Variants in RAB3IP observed in about 807,000 individuals in gnomAD.
RAB3IP encodes the protein rab-3A-interacting protein.
Under a neutral mutation model 59.1 loss-of-function variants are expected in RAB3IP, and 36 were observed. The observed-to-expected ratio is 0.61, with a 90% CI of 0.47 to 0.80. The LOEUF is 0.80. Ranked by LOEUF, RAB3IP falls within the 30% of genes least tolerant of loss-of-function variation. The probability of loss-of-function intolerance (pLI) is 0.00; values close to 1 mark genes in which losing one functional copy is unlikely to be tolerated. For missense variants in RAB3IP, 511 were observed against 536.0 expected (o/e 0.95, Z 0.46); for synonymous variants, 207 against 191.2 (o/e 1.08, Z -0.68).
At chr12:69,781,598 A>G (rs919796542) in intron 3 of RAB3IP, among the ~76,000 whole-genome samples, 1 of 152,220 alleles carries the variant, frequency 6.6e-6, no homozygotes, top group Non-Finnish European at 1.5e-5. Flanking sequence ...TACCTTTTCC[A>G]GATTGTCATA....
intron 1 of RAB3IP, among the ~76,000 whole-genome samples, chr12:69,744,003 A>G (rs933839413): frequency 6.6e-6 from 1 of 152,178 alleles, no homozygotes; most frequent in East Asian, 1.9e-4. Flanking sequence ...AAAAAATTAT[A>G]CTTTTAAGTT....
intron 3 of RAB3IP, among the ~76,000 whole-genome samples, chr12:69,779,659 T>C (rs1263079291): frequency 6.7e-6 from 1 of 150,032 alleles, no homozygotes; most frequent in East Asian, 1.9e-4. Flanking sequence ...TTTTCACTGC[T>C]TTCACTGCAC....
At chr12:69,800,968 CAGG>C (rs772313601) in intron 7 of RAB3IP, among the ~76,000 whole-genome samples, 1 of 152,018 alleles carries the variant, frequency 6.6e-6, no homozygotes, top group African/African-American at 2.4e-5. Context: ...CGTTGCTTAC[CAGG>C]AGAAGTTAAG....
intron 3 of RAB3IP, among the ~76,000 whole-genome samples, chr12:69,772,101 A>G (rs1008431824): frequency 1.3e-5 from 2 of 152,174 alleles, no homozygotes; most frequent in African/African-American, 2.4e-5. Flanking sequence ...ATTTGCTCCA[A>G]TGTAAGGTGC....
At position 69,819,713 on chromosome 12, in the gene RAB3IP, G is replaced by A. The variant is rs1207421594; in HGVS notation, c.*4267G>A. On this transcript the variant is annotated 3_prime_UTR_variant, in exon 11 of 11. Coordinates refer to ENST00000247833, the MANE Select transcript of RAB3IP (RefSeq NM_022456.5). ...CCAAGATTACCAATTCTAAAGAAGA[G>A]GAGGACTCTTGGACAAGTTTTTAGA... is the stretch of plus-strand genomic sequence containing the variant. The A allele has an allele frequency of 1.3e-5, 2 of 152,288 alleles. No homozygotes were observed. Among genetic ancestry groups the A allele is most frequent in the African/African-American group, 4.8e-5 (2 of 41,464 alleles). The allele number at this position is 152,288 out of a possible 1,614,324, so 9.4% of individuals were successfully genotyped here.
chr12:69,789,632 A>T (rs140731316), intron 4 of RAB3IP, among the ~76,000 whole-genome samples: 2 of 152,152 alleles, frequency 1.3e-5, no homozygotes, highest in Non-Finnish European at 2.9e-5. Flanking sequence ...ATGTACCACA[A>T]GGAAAAAACT....
intron 1 of RAB3IP, among the ~76,000 whole-genome samples, chr12:69,754,914 T>A (rs925000967): frequency 2.0e-5 from 3 of 152,230 alleles, no homozygotes; most frequent in Admixed American, 6.5e-5. Flanking sequence ...AAAATATTTT[T>A]AAAAATTAAG....
intron 3 of RAB3IP, among the ~76,000 whole-genome samples, chr12:69,765,410 T>A (rs1432069398): frequency 2.0e-5 from 3 of 152,228 alleles, no homozygotes; most frequent in Non-Finnish European, 4.4e-5. Context: ...TGGCTTTTGT[T>A]TTTAATTCTA....
chr12:69,809,108 C>G (rs1879970411), intron 8 of RAB3IP, among the ~76,000 whole-genome samples: 1 of 149,668 alleles, frequency 6.7e-6, no homozygotes, highest in Non-Finnish European at 1.5e-5. Flanking sequence ...GTGACAAAAT[C>G]TCTCAGCATT....
At position 69,812,835 on chromosome 12, in the gene RAB3IP, C is replaced by G. The variant is rs1429403389; in HGVS notation, c.1188C>G (p.Asp396Glu). Residue 396 changes from aspartate (D) to glutamate (E), a missense_variant, in exon 9 of 11, where the codon GAC becomes GAG. Coordinates refer to ENST00000247833, the MANE Select transcript of RAB3IP (RefSeq NM_022456.5). ...KSCKHRIKLG[D>E]SSNYYYISPF... ...GTAAACACAGAATTAAATTAGGGGACTCAAGCAACTATTATTATATTTCTC... is the reference window on the plus strand; with the variant it reads ...GTAAACACAGAATTAAATTAGGGGAGTCAAGCAACTATTATTATATTTCTC... 4 of 1,612,864 alleles carry G rather than the reference C, an allele frequency of 2.5e-6. No individual in the cohort carries two copies. Among genetic ancestry groups the G allele is most frequent in the Non-Finnish European group, 3.4e-6 (4 of 1,179,044 alleles).
chr12:69,807,197 A>T (rs1879486618), intron 8 of RAB3IP, among the ~76,000 whole-genome samples: 4 of 139,136 alleles, frequency 2.9e-5, no homozygotes, highest in Admixed American at 2.8e-4. Flanking sequence ...CATCCCAGAC[A>T]GTGGGCGGCC....
intron 3 of RAB3IP, among the ~76,000 whole-genome samples, chr12:69,772,117 T>C (rs1873218574): frequency 1.3e-5 from 2 of 152,216 alleles, no homozygotes; most frequent in South Asian, 4.1e-4. Flanking sequence ...GGTGCATATA[T>C]ATTTACAATT....
At chr12:69,760,117 T>C (rs1871056471) in intron 3 of RAB3IP, among the ~76,000 whole-genome samples, 1 of 152,218 alleles carries the variant, frequency 6.6e-6, no homozygotes, top group Non-Finnish European at 1.5e-5. Context: ...TGAGACTCCG[T>C]CTGCAATCCC....
At chr12:69,739,896 GAGTT>G (rs202141574) in intron 1 of RAB3IP, 25,374 of 1,612,032 alleles carry the variant, frequency 0.016, 260 homozygotes, top group Non-Finnish European at 0.019. Flanking sequence ...CACGAGCGCT[GAGTT>G]AGTTAGTACT....
chr12:69,793,994 G>A (rs529141863), intron 4 of RAB3IP, among the ~76,000 whole-genome samples: 5 of 152,226 alleles, frequency 3.3e-5, no homozygotes, highest in Admixed American at 2.6e-4. Flanking sequence ...AAGCTCTAAG[G>A]CTTCTTAGCT....
At chr12:69,765,395 T>A (rs775669513) in intron 3 of RAB3IP, among the ~76,000 whole-genome samples, 30 of 152,246 alleles carry the variant, frequency 2.0e-4, no homozygotes, top group Non-Finnish European at 3.8e-4. Context: ...GTTGAGATGA[T>A]CGTATGGCTT....
At chr12:69,800,382 G>T in intron 7 of RAB3IP, 45 bp downstream of exon 7, 2 of 1,226,862 alleles carry the variant, frequency 1.6e-6, no homozygotes, top group Non-Finnish European at 2.3e-6. Context: ...AGTTGTTTCT[G>T]TACTTCTTTT....
intron 3 of RAB3IP, chr12:69,779,136 G>C (rs1325387250): frequency 7.6e-6 from 1 of 132,048 alleles, no homozygotes; most frequent in Admixed American, 7.9e-5. Flanking sequence ...TTCTTAAGCC[G>C]GTCTGAAAAG....
chr12:69,795,545 C>T, intron 6 of RAB3IP: 1 of 595,706 alleles, frequency 1.7e-6, no homozygotes, highest in Non-Finnish European at 3.0e-6. Flanking sequence ...GGAGTACCTG[C>T]TGGAAACTTG....
Sources: allele counts gnomAD v4.1 joint callset (sites outside exome capture counted in the v4.1 genomes callset), GRCh38; gene constraint gnomAD v4.1.1; transcripts MANE v1.5; gene names NCBI Gene and HGNC (gene_info 2026-07-23, HGNC 2026-07-21).